Variants in NXPH1 observed in about 807,000 individuals in gnomAD.
The protein encoded by NXPH1 is neurexophilin-1.
Under a neutral mutation model 23.7 loss-of-function variants are expected in NXPH1, and 5 were observed. The observed-to-expected ratio is 0.21, with a 90% CI of 0.11 to 0.44. The LOEUF is 0.44. Ranked by LOEUF, NXPH1 falls within the 20% of genes least tolerant of loss-of-function variation. The probability of loss-of-function intolerance (pLI) is 0.99; values close to 1 mark genes in which losing one functional copy is unlikely to be tolerated. For missense variants in NXPH1, 324 were observed against 321.6 expected (o/e 1.01, Z -0.06); for synonymous variants, 144 against 122.2 (o/e 1.18, Z -1.18).
chr7:8,453,734 C>T (rs536941386), intron 2 of NXPH1, among the ~76,000 whole-genome samples: 9 of 152,112 alleles, frequency 5.9e-5, no homozygotes, highest in Non-Finnish European at 8.8e-5. Context: ...TACCCATGTC[C>T]CTGCAAAGGA....
chr7:8,713,506 A>AT (rs572508806), intron 2 of NXPH1, among the ~76,000 whole-genome samples: 21,052 of 144,532 alleles, frequency 0.15, 2,696 homozygotes, highest in African/African-American at 0.35. Context: ...ATGCTTGCAG[A>AT]TTTTTTTTTT....
At chr7:8,657,423 A>G (rs562117203) in intron 2 of NXPH1, among the ~76,000 whole-genome samples, 7 of 152,320 alleles carry the variant, frequency 4.6e-5, no homozygotes, top group African/African-American at 1.7e-4. Context: ...AGTGATTTGC[A>G]GGACATTTCC....
At chr7:8,691,576 C>G (rs1184048889) in intron 2 of NXPH1, among the ~76,000 whole-genome samples, 1 of 152,086 alleles carries the variant, frequency 6.6e-6, no homozygotes, top group Non-Finnish European at 1.5e-5. Context: ...CTACCAAATA[C>G]AATTTTTTAA....
chr7:8,642,569 T>C (rs1820334026), intron 2 of NXPH1, among the ~76,000 whole-genome samples: 1 of 152,196 alleles, frequency 6.6e-6, no homozygotes, highest in South Asian at 2.1e-4. Context: ...CTTTATCTTT[T>C]TAATGTTGCC....
chr7:8,688,505 G>A (rs1024701219), intron 2 of NXPH1, among the ~76,000 whole-genome samples: 1 of 152,124 alleles, frequency 6.6e-6, no homozygotes, highest in Non-Finnish European at 1.5e-5. Context: ...TCTTTAGATT[G>A]TGTCTGCCAA....
chr7:8,725,768 G>A (rs1222656648), intron 2 of NXPH1, among the ~76,000 whole-genome samples: 1 of 151,878 alleles, frequency 6.6e-6, no homozygotes, highest in Non-Finnish European at 1.5e-5. Context: ...ACTTTTATAG[G>A]AGTGTGGAGA....
intron 2 of NXPH1, among the ~76,000 whole-genome samples, chr7:8,508,700 C>T (rs1817568122): frequency 6.6e-6 from 1 of 151,994 alleles, no homozygotes; most frequent in Non-Finnish European, 1.5e-5. Flanking sequence ...GCTATTTCTT[C>T]TATAACCCCA....
At chr7:8,710,761 C>A (rs1266417828) in intron 2 of NXPH1, among the ~76,000 whole-genome samples, 1 of 132,600 alleles carries the variant, frequency 7.5e-6, no homozygotes, top group Non-Finnish European at 1.5e-5. Flanking sequence ...TTCCCGGGTT[C>A]ACGCCATTCT....
intron 2 of NXPH1, among the ~76,000 whole-genome samples, chr7:8,735,958 A>T (rs1473121588): frequency 6.6e-6 from 1 of 151,978 alleles, no homozygotes; most frequent in Non-Finnish European, 1.5e-5. Context: ...AGTAGTTTGT[A>T]TTTCTATGGG....
intron 2 of NXPH1, among the ~76,000 whole-genome samples, chr7:8,624,365 GAGA>G: frequency 6.6e-6 from 1 of 152,294 alleles, no homozygotes; most frequent in East Asian, 1.9e-4. Context: ...TCCAGACTCT[GAGA>G]AGATCAGAGC....
intron 2 of NXPH1, among the ~76,000 whole-genome samples, chr7:8,726,209 A>G (rs1035144231): frequency 8.7e-4 from 132 of 151,996 alleles, no homozygotes; most frequent in African/African-American, 3.1e-3. Context: ...ATAGGTACAA[A>G]TGTCTTACAT....
intron 2 of NXPH1, among the ~76,000 whole-genome samples, chr7:8,516,109 C>A (rs1202812274): frequency 6.6e-6 from 1 of 152,148 alleles, no homozygotes; most frequent in Non-Finnish European, 1.5e-5. Flanking sequence ...TCTTGGACAT[C>A]TTTAAGGAGC....
chr7:8,664,090 C>T (rs1204433638), intron 2 of NXPH1, among the ~76,000 whole-genome samples: 2 of 152,036 alleles, frequency 1.3e-5, no homozygotes, highest in Non-Finnish European at 2.9e-5. Context: ...CTTTAACTTT[C>T]TATCCCTAAC....
chr7:8,578,334 T>C lies in NXPH1; in HGVS notation c.54+142567T>C, dbSNP rs565126406. On this transcript the variant is annotated intron_variant, in intron 2 of 2. Coordinates refer to ENST00000405863, the MANE Select transcript of NXPH1 (RefSeq NM_152745.3). Reference sequence around the variant, plus strand: ...TCTCCCTTTTGCATGATTGTAACTTTGAAAAATCCTAAATCAAATCATCGT... The same window carrying C: ...TCTCCCTTTTGCATGATTGTAACTTCGAAAAATCCTAAATCAAATCATCGT... Among the ~76,000 whole-genome samples, 16 of 152,322 alleles carry C rather than the reference T, an allele frequency of 1.1e-4. No homozygotes were observed. The East Asian group carries it at 2.9e-3, about 28-fold the overall frequency.
At chr7:8,571,104 G>T (rs897266579) in intron 2 of NXPH1, among the ~76,000 whole-genome samples, 2 of 151,514 alleles carry the variant, frequency 1.3e-5, no homozygotes, top group African/African-American at 4.8e-5. Flanking sequence ...GGGAATTCCT[G>T]GTCCCACTTA....
intron 2 of NXPH1, among the ~76,000 whole-genome samples, chr7:8,730,736 G>A (rs984905307): frequency 4.3e-4 from 66 of 151,838 alleles, no homozygotes; most frequent in Non-Finnish European, 8.4e-4. Flanking sequence ...GCTTCCCTTT[G>A]AGGGTAACCC....
intron 2 of NXPH1, among the ~76,000 whole-genome samples, chr7:8,710,834 T>A (rs1233420640): frequency 7.4e-6 from 1 of 134,258 alleles, no homozygotes; most frequent in African/African-American, 3.3e-5. Context: ...GGCTAATTTT[T>A]TGTATTTTTA....
At chr7:8,495,193 C>A (rs1817314187) in intron 2 of NXPH1, among the ~76,000 whole-genome samples, 1 of 151,824 alleles carries the variant, frequency 6.6e-6, no homozygotes, top group South Asian at 2.1e-4. Flanking sequence ...TGGTAGCCTG[C>A]CTACTAGGAT....
intron 2 of NXPH1, among the ~76,000 whole-genome samples, chr7:8,716,376 A>G (rs532440333): frequency 1.3e-5 from 2 of 152,320 alleles, no homozygotes; most frequent in Admixed American, 1.3e-4. Context: ...ACCTTGGACC[A>G]TGGGATTAGG....
Sources: allele counts gnomAD v4.1 joint callset (sites outside exome capture counted in the v4.1 genomes callset), GRCh38; gene constraint gnomAD v4.1.1; transcripts MANE v1.5; gene names NCBI Gene and HGNC (gene_info 2026-07-23, HGNC 2026-07-21).